ZFPM1: variants seen among roughly 807,000 people sequenced by gnomAD.
ZFPM1 encodes zinc finger protein, FOG family member 1.
Under a neutral mutation model 46.3 loss-of-function variants are expected in ZFPM1, and 28 were observed. The observed-to-expected ratio is 0.60, with a 90% CI of 0.45 to 0.83. ZFPM1 has a LOEUF of 0.83. Among genes scored for constraint, ZFPM1 ranks in the 40% least tolerant of loss-of-function variants. The pLI, the probability that ZFPM1 is intolerant of heterozygous loss-of-function variation, is 0.00. For missense variants in ZFPM1, 1,878 were observed against 1,432.4 expected (o/e 1.31, Z -5.02); for synonymous variants, 957 against 675.9 (o/e 1.42, Z -6.45).
At chr16:88,498,025 G>A (rs969482452) in intron 3 of ZFPM1, among the ~76,000 whole-genome samples, 3 of 152,166 alleles carry the variant, frequency 2.0e-5, no homozygotes, top group Admixed American at 6.5e-5. Flanking sequence ...CCTTATCAGC[G>A]GCCCTGTGCT....
chr16:88,518,751 GGA>G (rs1304589921), intron 4 of ZFPM1, among the ~76,000 whole-genome samples: 2 of 146,386 alleles, frequency 1.4e-5, no homozygotes, highest in Non-Finnish European at 1.5e-5. Context: ...ATGGATGGAT[GGA>G]TGGATGGATG....
intron 1 of ZFPM1, among the ~76,000 whole-genome samples, chr16:88,472,191 A>AG (rs887302399): frequency 6.6e-6 from 1 of 151,878 alleles, no homozygotes; most frequent in African/African-American, 2.4e-5. Context: ...AAGTGGCTGG[A>AG]GGCACGGTGG....
intron 4 of ZFPM1, among the ~76,000 whole-genome samples, chr16:88,522,603 T>G (rs1351848148): frequency 6.6e-6 from 1 of 152,248 alleles, no homozygotes; most frequent in Non-Finnish European, 1.5e-5. Context: ...GGGTTTCCGA[T>G]GGCTATCGGT....
At chr16:88,520,091 GGATA>G (rs1005874149) in intron 4 of ZFPM1, among the ~76,000 whole-genome samples, 3 of 150,306 alleles carry the variant, frequency 2.0e-5, no homozygotes, top group Non-Finnish European at 4.4e-5. Context: ...GTGGGTGGGT[GGATA>G]GATGGATGGA....
chr16:88,513,647 G>GGT (rs139510141), intron 3 of ZFPM1, among the ~76,000 whole-genome samples: 6 of 152,224 alleles, frequency 3.9e-5, no homozygotes, highest in Non-Finnish European at 8.8e-5. Flanking sequence ...GGTGTGGCCA[G>GGT]GTGTGTGTGT....
In ZFPM1 at chr16:88,480,327, G is replaced by A. The variant is rs1023172864; in HGVS notation, c.41-5612G>A. ...AGGATCTCTGGCACCTCGTGAGGGT[G>A]GGGCACGCCAAGGGCTCAGGAAGGG... is the stretch of plus-strand genomic sequence containing the variant. On this transcript the variant is annotated intron_variant, in intron 1 of 9. Coordinates refer to ENST00000319555, the MANE Select transcript of ZFPM1 (RefSeq NM_153813.3). The surrounding 1 kb of genome is among the most constrained non-coding windows in gnomAD (Gnocchi z 4.9). Among the ~76,000 whole-genome samples, 1 of 152,188 alleles carries A rather than the reference G, an allele frequency of 6.6e-6. No homozygotes were observed. The highest frequency in any genetic ancestry group is 2.4e-5 in the African/African-American group (1 of 41,444).
intron 1 of ZFPM1, among the ~76,000 whole-genome samples, chr16:88,461,760 C>T (rs1358675260): frequency 5.3e-5 from 8 of 152,172 alleles, no homozygotes; most frequent in Non-Finnish European, 8.8e-5. Flanking sequence ...GAGTGTGCCA[C>T]GCCCTGGACT....
At position 88,472,000 on chromosome 16, in the gene ZFPM1, C is replaced by T. The variant is rs542155276; in HGVS notation, c.41-13939C>T. 3.9e-5 allele frequency among the ~76,000 whole-genome samples: 6 copies of T among 152,340 alleles called. No individual in the cohort carries two copies. The highest frequency in any genetic ancestry group is 1.9e-4 in the East Asian group (1 of 5,178). On this transcript the variant is annotated intron_variant, in intron 1 of 9. Coordinates refer to ENST00000319555, the MANE Select transcript of ZFPM1 (RefSeq NM_153813.3). This position sits in a 1 kb window ranked among gnomAD's most constrained non-coding sequence, Gnocchi z 4.1. ...AGCCTGGGCCTCCCCGGTAGGAGCC[C>T]GGCAGGGCCAAACCCTGATGGGCAG... is the stretch of plus-strand genomic sequence containing the variant.
chr16:88,484,082 A>G (rs538213013), intron 1 of ZFPM1, among the ~76,000 whole-genome samples: 63 of 152,222 alleles, frequency 4.1e-4, no homozygotes, highest in African/African-American at 1.5e-3. Flanking sequence ...TCTCCCTCCC[A>G]TCTTCTGCCT....
chr16:88,479,521 A>G lies in ZFPM1; in HGVS notation c.41-6418A>G, dbSNP rs551354504. Among the ~76,000 whole-genome samples, 9 of 152,184 alleles carry G rather than the reference A, an allele frequency of 5.9e-5. No homozygotes were observed. The South Asian group carries it at 1.9e-3, about 32-fold the overall frequency. On this transcript the variant is annotated intron_variant, in intron 1 of 9. Coordinates refer to ENST00000319555, the MANE Select transcript of ZFPM1 (RefSeq NM_153813.3). The stretch of plus-strand genomic sequence containing the variant: ...CTTGCGCTCCCATAGCGTGGCCTCA[A>G]CAGAGCGAGCGGGGCCGTCCCCGTC...
chr16:88,534,368 C>T lies in ZFPM1; in HGVS notation c.2410C>T (p.Pro804Ser), dbSNP rs1460102124. The change falls in exon 10 of 10, where the codon CCG (proline) becomes TCG (serine). Residue 804 changes from proline (P) to serine (S), a missense_variant. Physicochemically the swap from Pro to Ser is moderately conservative, Grantham distance 74 (BLOSUM62 -1). Transcript: ENST00000319555. The part of the protein sequence containing the change: ...PIDLSKKPRR[P>S]LPGAPAPALA... ...CGACCTGAGCAAGAAGCCGCGGCGCCCGCTCCCCGGAGCCCCGGCACCGGC... is the reference window on the plus strand; with the variant it reads ...CGACCTGAGCAAGAAGCCGCGGCGCTCGCTCCCCGGAGCCCCGGCACCGGC... 7.0e-6 allele frequency: 10 copies of T among 1,435,984 alleles called. No homozygotes were observed. Among genetic ancestry groups the T allele is most frequent in the Non-Finnish European group, 8.2e-6 (9 of 1,099,246 alleles). The allele number at this position is 1,435,984 out of a possible 1,614,324, so 89.0% of individuals were successfully genotyped here.
At chr16:88,476,822 G>T (rs143300257) in intron 1 of ZFPM1, among the ~76,000 whole-genome samples, 1 of 152,364 alleles carries the variant, frequency 6.6e-6, no homozygotes, top group Non-Finnish European at 1.5e-5. Context: ...TCCCAGAGGG[G>T]CAGGGAAAGG....
chr16:88,523,215 A>AG (rs1450145967), intron 4 of ZFPM1, among the ~76,000 whole-genome samples: 1 of 151,286 alleles, frequency 6.6e-6, no homozygotes, highest in Non-Finnish European at 1.5e-5. Context: ...TCAAAAAAAA[A>AG]AAAAAAATAG....
chr16:88,534,486 C>T lies in ZFPM1; in HGVS notation c.2528C>T (p.Ala843Val). The T allele has an allele frequency of 1.4e-6, 2 of 1,474,144 alleles. No individual in the cohort carries two copies. Among genetic ancestry groups the T allele is most frequent in the Non-Finnish European group, 1.8e-6 (2 of 1,118,106 alleles). 91.3% of individuals were successfully genotyped at this position (1,474,144 alleles called of 1,614,324 possible). The change falls in exon 10 of 10, where the codon GCG becomes GTG. Residue 843 changes from alanine to valine, a missense_variant. Physicochemically the swap from Ala to Val is moderately conservative, Grantham distance 64. Transcript: ENST00000319555. The part of the protein sequence containing the change: ...LAHKKYSCPA[A>V]PPPGALGLPA... ...CACAAGAAGTACTCGTGCCCCGCTGCGCCACCGCCCGGCGCGCTCGGCCTG... is the reference window on the plus strand; with the variant it reads ...CACAAGAAGTACTCGTGCCCCGCTGTGCCACCGCCCGGCGCGCTCGGCCTG...
chr16:88,472,588 G>A (rs1426689157), intron 1 of ZFPM1, among the ~76,000 whole-genome samples: 2 of 152,150 alleles, frequency 1.3e-5, no homozygotes, highest in African/African-American at 4.8e-5. Flanking sequence ...TCCTGACCTC[G>A]TGATCTGCCC....
At chr16:88,468,677 G>C (rs1277821222) in intron 1 of ZFPM1, among the ~76,000 whole-genome samples, 2 of 152,026 alleles carry the variant, frequency 1.3e-5, no homozygotes, top group Non-Finnish European at 2.9e-5. Flanking sequence ...GATACCCCCA[G>C]GGCCCCGCCC....
chr16:88,481,137 C>T (rs962389564), intron 1 of ZFPM1, among the ~76,000 whole-genome samples: 4 of 152,228 alleles, frequency 2.6e-5, no homozygotes, highest in Non-Finnish European at 5.9e-5. Context: ...GATGGGCGCA[C>T]GGGTGTCTGC....
At position 88,532,582 on chromosome 16, in the gene ZFPM1, C is replaced by G. The variant is rs1338991322; in HGVS notation, c.947-32C>G. 7.8e-6 allele frequency: 12 copies of G among 1,545,068 alleles called. No homozygotes were observed. The South Asian group carries it at 1.4e-4, about 18-fold the overall frequency. ...CTGGAGTCCCAAGGTTAAGCTGGCC[C>G]GGGCACCGCTCTTACGCGCCCTGTG... is the stretch of plus-strand genomic sequence containing the variant. On this transcript the variant is annotated intron_variant, in intron 7 of 9. Coordinates refer to ENST00000319555, the MANE Select transcript of ZFPM1 (RefSeq NM_153813.3).
At chr16:88,477,871 A>T (rs923100993) in intron 1 of ZFPM1, among the ~76,000 whole-genome samples, 7 of 152,226 alleles carry the variant, frequency 4.6e-5, no homozygotes, top group Admixed American at 1.3e-4. Context: ...GTTCAGCAGC[A>T]GCTCCCCAGG....
Sources: gnomAD v4.1 joint callset for allele counts (sites outside exome capture counted in the v4.1 genomes callset) on GRCh38, gnomAD v4.1.1 for gene constraint, Gnocchi (gnomAD v3.1) non-coding constraint, MANE v1.5 for transcripts, NCBI Gene and HGNC (gene_info 2026-07-23, HGNC 2026-07-21) for gene names.